The following ADGRD1 variants were observed in gnomAD, a reference collection of about 807,000 sequenced individuals.
ADGRD1 encodes adhesion G protein-coupled receptor D1.
In ADGRD1, 77 loss-of-function variants were observed where a neutral mutation model predicts 113.4. That is an observed-to-expected ratio of 0.68 (90% confidence interval 0.57 to 0.82). The LOEUF (loss-of-function observed/expected upper bound fraction) is 0.82. ADGRD1 is among the 40% of genes least tolerant of loss of function. The probability of loss-of-function intolerance (pLI) is 0.00; values close to 1 mark genes in which losing one functional copy is unlikely to be tolerated. For missense variants in ADGRD1, 1,036 were observed against 1,139.1 expected, an observed-to-expected ratio of 0.91 and a Z score of 1.30; for synonymous variants, 474 against 475.0, an observed-to-expected ratio of 1.00 and a Z score of 0.03.
At chr12:131,116,547 G>A (rs1363001685) in intron 18 of ADGRD1, among the ~76,000 whole-genome samples, 4 of 152,224 alleles carry the variant, frequency 2.6e-5, no homozygotes, top group East Asian at 1.9e-4. Context: ...GGAGGCGGTC[G>A]GGTGGGTGCC....
At chr12:131,102,165 T>C (rs1950102602) in intron 15 of ADGRD1, among the ~76,000 whole-genome samples, 2 of 152,194 alleles carry the variant, frequency 1.3e-5, no homozygotes, top group African/African-American at 2.4e-5. Flanking sequence ...CATGGACAAT[T>C]TGCTAATAAT....
rs144814859 is a variant in ADGRD1 at position 131,136,098 on chromosome 12, G to T, written c.2329G>T (p.Val777Leu). The change falls in exon 22 of 25, where the codon GTG becomes TTG. Residue 777 changes from valine (V) to leucine (L), a missense_variant. Val to Leu is a conservative substitution (Grantham distance 32). Transcript: ENST00000261654. ...CCTGGGTACCTCGTGGGTCTTTGGC[G>T]TGCTTGCTGTCAACGGTTGTGCTGT... is the stretch of plus-strand genomic sequence containing the variant. ...PILGTSWVFG[V>L]LAVNGCAVVF... 3 of 1,614,210 alleles carry T rather than the reference G, an allele frequency of 1.9e-6. No homozygotes were observed. Among genetic ancestry groups the T allele is most frequent in the South Asian group, 1.1e-5 (1 of 91,092 alleles).
intron 13 of ADGRD1, among the ~76,000 whole-genome samples, chr12:131,067,904 G>A (rs34452227): frequency 1.5e-3 from 1 of 682 alleles, no homozygotes; most frequent in African/African-American, 0.026. Flanking sequence ...TCTGCCTCCT[G>A]TATGTCTGAT....
At chr12:131,064,634 G>A (rs1023245663) in intron 13 of ADGRD1, among the ~76,000 whole-genome samples, 2 of 152,358 alleles carry the variant, frequency 1.3e-5, no homozygotes, top group African/African-American at 4.8e-5. Context: ...GTAAGGAAAA[G>A]TGTTGGCACT....
At position 131,005,152 on chromosome 12, in the gene ADGRD1, C is replaced by T. The variant is rs140303196; in HGVS notation, c.1256-820C>T. Among the ~76,000 whole-genome samples, 397 of 152,284 alleles carry T rather than the reference C, an allele frequency of 2.6e-3. 1 individual carries two copies. Among genetic ancestry groups the T allele is most frequent in the African/African-American group, 9.0e-3 (373 of 41,546 alleles). On this transcript the variant is annotated intron_variant, in intron 11 of 24. Coordinates refer to ENST00000261654, the MANE Select transcript of ADGRD1 (RefSeq NM_198827.5). The stretch of plus-strand genomic sequence containing the variant: ...TTGATTGTCTGTGGGAAAGGTGCCC[C>T]GACTGGTTCTCTGCCCTGTCCTCAA...
chr12:131,108,906 G>T (rs199856008), intron 18 of ADGRD1, 29 bp downstream of exon 18: 2 of 1,386,898 alleles, frequency 1.4e-6, no homozygotes, highest in African/African-American at 2.8e-5. Flanking sequence ...GTGGGATGGC[G>T]GGGCGGGAGG....
intron 5 of ADGRD1, among the ~76,000 whole-genome samples, chr12:130,985,794 C>T (rs146901560): frequency 1.3e-5 from 2 of 152,312 alleles, no homozygotes; most frequent in East Asian, 1.9e-4. Context: ...TCAGGTGATC[C>T]ACCTGCCTCG....
chr12:131,004,295 C>T lies in ADGRD1; in HGVS notation c.1254C>T (p.His418=), dbSNP rs1593338795. The change falls in exon 11 of 25, where the codon CAC becomes CAT. Residue 418 remains histidine (H), a splice_region_variant and synonymous_variant. Transcript: ENST00000261654. ...TCCCCCACGAGGCCTTCCACAGGCA[C>T]GGTGAGTGTGGCTGCGCTGGACTCC... The part of the protein sequence containing the change: ...IQIPHEAFHR[H]AWSTVVGLLY... The T allele has an allele frequency of 5.6e-6, 9 of 1,605,460 alleles. No individual in the cohort carries two copies. Among genetic ancestry groups the T allele is most frequent in the East Asian group, 4.5e-5 (2 of 44,794 alleles).
intron 8 of ADGRD1, among the ~76,000 whole-genome samples, chr12:130,998,350 C>T (rs1875890787): frequency 6.6e-6 from 1 of 152,224 alleles, no homozygotes; most frequent in African/African-American, 2.4e-5. Context: ...GCTGGGGACC[C>T]TGGGGATGAG....
chr12:131,094,460 T>C (rs1261408423), intron 15 of ADGRD1, among the ~76,000 whole-genome samples: 3 of 152,140 alleles, frequency 2.0e-5, no homozygotes, highest in Admixed American at 2.0e-4. Flanking sequence ...GGGGTAACTG[T>C]GGAGGCTGGA....
intron 13 of ADGRD1, among the ~76,000 whole-genome samples, chr12:131,018,523 G>C (rs967153895): frequency 3.3e-5 from 5 of 151,774 alleles, no homozygotes; most frequent in Admixed American, 2.0e-4. Flanking sequence ...CGCTTCCCTC[G>C]TGCTGCCCCA....
rs1342652703 is a variant in ADGRD1 at position 131,070,102 on chromosome 12, G to C, written c.1474-6699G>C. 4 of 152,420 alleles carry C rather than the reference G, an allele frequency of 2.6e-5. No homozygotes were observed. The East Asian group carries it at 5.8e-4, about 22-fold the overall frequency. 9.4% of individuals were successfully genotyped at this position (152,420 alleles called of 1,614,324 possible). ...TCCTGAGCATGAACATCCTGTCCCAGAGAGAAAATGCTCCCTCTGGGAAGA... is the reference window on the plus strand; with the variant it reads ...TCCTGAGCATGAACATCCTGTCCCACAGAGAAAATGCTCCCTCTGGGAAGA... On this transcript the variant is annotated intron_variant, in intron 13 of 24. Coordinates refer to ENST00000261654, the MANE Select transcript of ADGRD1 (RefSeq NM_198827.5).
intron 13 of ADGRD1, among the ~76,000 whole-genome samples, chr12:131,017,346 CCAGTCCACACACACCCAGTGCACA>C (rs1367521383): frequency 2.0e-4 from 28 of 141,176 alleles, no homozygotes; most frequent in African/African-American, 6.8e-4. Flanking sequence ...CCACACACAC[CCAGTCCACACACACCCAGTGCACA>C]CAGTCCACAC....
At chr12:131,069,782 C>T (rs1885009902) in intron 13 of ADGRD1, 2 of 152,204 alleles carry the variant, frequency 1.3e-5, no homozygotes, top group Non-Finnish European at 2.9e-5. Context: ...ATTATTATAT[C>T]ATTTTTGTAT....
chr12:131,117,976 T>C (rs1950507958), intron 18 of ADGRD1, among the ~76,000 whole-genome samples: 1 of 152,240 alleles, frequency 6.6e-6, no homozygotes, highest in Non-Finnish European at 1.5e-5. Flanking sequence ...CATCCCGTTA[T>C]GACAACCCTA....
rs181621272 is a variant in ADGRD1, at chr12:130,966,436, T to C, written c.104-27T>C. On this transcript the variant is annotated intron_variant, in intron 2 of 24. Coordinates refer to ENST00000261654, the MANE Select transcript of ADGRD1 (RefSeq NM_198827.5). The surrounding 1 kb of genome is among the most constrained non-coding windows in gnomAD (Gnocchi z 4.6). Reference sequence around the variant, plus strand: ...GGTTCTTTCCTCTCTAATGATGATTTAAAATTTTTATTCTTTTTTCCCCAA... The same window carrying C: ...GGTTCTTTCCTCTCTAATGATGATTCAAAATTTTTATTCTTTTTTCCCCAA... 25 of 1,490,838 alleles carry C rather than the reference T, an allele frequency of 1.7e-5. No homozygotes were observed. The Admixed American group carries it at 2.3e-4, about 14-fold the overall frequency. The allele number at this position is 1,490,838 out of a possible 1,614,324, so 92.4% of individuals were successfully genotyped here. A position where few individuals can be genotyped will look rare whatever the true frequency, so the allele number is the denominator to read the frequency against.
chr12:130,989,554 G>C (rs1220924709), intron 6 of ADGRD1: 2 of 152,244 alleles, frequency 1.3e-5, no homozygotes, highest in African/African-American at 4.8e-5. Flanking sequence ...AGTGACAACT[G>C]GAACTGAAAT....
At position 131,025,266 on chromosome 12, in the gene ADGRD1, A is replaced by G. The variant is rs117284078; in HGVS notation, c.1473+10926A>G. On this transcript the variant is annotated intron_variant, in intron 13 of 24. Coordinates refer to ENST00000261654, the MANE Select transcript of ADGRD1 (RefSeq NM_198827.5). ...ATGGTAATTAAGGCTTGTCTTAGCC[A>G]AGCGTTCTCTAGGGTTTTGGGGTTT... is the stretch of plus-strand genomic sequence containing the variant. 9.7e-3 allele frequency among the ~76,000 whole-genome samples: 1,477 copies of G among 152,326 alleles called. 16 individuals are homozygous for G. Among genetic ancestry groups the G allele is most frequent in the Non-Finnish European group, 0.014 (980 of 68,028 alleles).
At chr12:131,138,957 A>G (rs1005311486) in intron 24 of ADGRD1, among the ~76,000 whole-genome samples, 1 of 152,104 alleles carries the variant, frequency 6.6e-6, no homozygotes, top group Non-Finnish European at 1.5e-5. Flanking sequence ...CCTTAAGGGG[A>G]GTCAGCGTGG....
Sources: gnomAD v4.1 joint callset for allele counts (sites outside exome capture counted in the v4.1 genomes callset) on GRCh38, gnomAD v4.1.1 for gene constraint, Gnocchi (gnomAD v3.1) non-coding constraint, MANE v1.5 for transcripts, NCBI Gene and HGNC (gene_info 2026-07-23, HGNC 2026-07-21) for gene names.